Variants in SDF2L1 observed in about 807,000 individuals in gnomAD.
SDF2L1 encodes the protein stromal cell-derived factor 2-like protein 1.
A neutral mutation model predicts 19.4 loss-of-function variants in SDF2L1; 18 were observed. The ratio of observed to expected loss-of-function variants is 0.93; its 90% confidence interval spans 0.64 to 1.38. The LOEUF (loss-of-function observed/expected upper bound fraction) is 1.38. Among genes scored for constraint, SDF2L1 ranks in the 40% most tolerant of loss-of-function variants. The pLI is 0.00. For missense variants in SDF2L1, 263 were observed against 319.4 expected (o/e 0.82, Z 1.35); for synonymous variants, 161 against 148.9 (o/e 1.08, Z -0.59).
In SDF2L1 at chr22:21,642,999, G is replaced by C; in HGVS notation, c.325G>C (p.Val109Leu). Residue 109 changes from valine to leucine, a missense_variant, in exon 2 of 3, where the codon GTG becomes CTG. By Grantham distance (32) the Val-to-Leu change is conservative. This residue lies in a region of SDF2L1 where 203 missense variants were observed against 256.9 expected (regional missense o/e 0.79). Coordinates refer to ENST00000248958, the MANE Select transcript of SDF2L1 (RefSeq NM_022044.3). ...CGGGCAGGCGGTGAGGCTCACGCAT[G>C]TGCTTACGGGCAAGAACCTGCACAC... ...RCGQAVRLTHVLTGKNLHTHH... is the reference protein window; with the variant it reads ...RCGQAVRLTHLLTGKNLHTHH... The C allele has an allele frequency of 2.6e-6, 4 of 1,565,208 alleles. No homozygotes were observed. The highest frequency in any genetic ancestry group is 3.5e-6 in the Non-Finnish European group (4 of 1,156,020).
chr22:21,642,553 G>A (rs1601469580), intron 1 of SDF2L1, 30 bp downstream of exon 1: 3 of 1,506,370 alleles, frequency 2.0e-6, no homozygotes, highest in East Asian at 5.1e-5. Flanking sequence ...GGGAGAGCGC[G>A]GGGAACCGGG....
At chr22:21,643,343 G>T (rs958657473) in intron 2 of SDF2L1, 2 of 543,250 alleles carry the variant, frequency 3.7e-6, no homozygotes, top group Non-Finnish European at 6.5e-6. Flanking sequence ...AATCCACACA[G>T]CCTTGAGGGT....
chr22:21,643,913 A>G lies in SDF2L1; in HGVS notation c.404A>G (p.Glu135Gly), dbSNP rs370702646. 65 of 1,612,772 alleles carry G rather than the reference A, an allele frequency of 4.0e-5. No individual in the cohort carries two copies. The highest frequency in any genetic ancestry group is 5.3e-5 in the Non-Finnish European group (62 of 1,179,396). ...CTATAGGAGGTGAGTGCCTTTGGGGAAGACGGCGAGGGCGACGACCTGGAC... is the reference window on the plus strand; with the variant it reads ...CTATAGGAGGTGAGTGCCTTTGGGGGAGACGGCGAGGGCGACGACCTGGAC... Reference protein sequence around the residue: ...SNNQEVSAFGEDGEGDDLDLW... With the variant: ...SNNQEVSAFGGDGEGDDLDLW... The change falls in exon 3 of 3, where the codon GAA becomes GGA. Residue 135 changes from glutamate to glycine, a missense_variant. Around this residue, in one of 3 missense-constraint regions of SDF2L1, gnomAD observed 203 missense variants for 256.9 expected, o/e 0.79. Coordinates refer to ENST00000248958, the MANE Select transcript of SDF2L1 (RefSeq NM_022044.3).
chr22:21,642,567 CG>C, intron 1 of SDF2L1, 44 bp downstream of exon 1: 2 of 1,500,364 alleles, frequency 1.3e-6, no homozygotes. Context: ...AACCGGGGCT[CG>C]GGGTTGGGAG....
At position 21,642,329 on chromosome 22, in the gene SDF2L1, C is replaced by CCGGGGCGATGTGGAGCG; in HGVS notation, c.-3_14dup. 1 of 1,356,604 alleles carries CCGGGGCGATGTGGAGCG rather than the reference C, an allele frequency of 7.4e-7. No individual in the cohort carries two copies. The highest frequency in any genetic ancestry group is 9.4e-7 in the Non-Finnish European group (1 of 1,062,958). The allele number at this position is 1,356,604 out of a possible 1,614,324, so 84.0% of individuals were successfully genotyped here. On this transcript the variant is annotated 5_prime_UTR_variant, in exon 1 of 3. It adds an upstream start codon to the 5' untranslated region. Coordinates refer to ENST00000248958, the MANE Select transcript of SDF2L1 (RefSeq NM_022044.3). ...CTGGGCCCGAGGGGCTGGAGCCGGGCCGGGGCGATGTGGAGCGCGGGCCGC... is the reference window on the plus strand; with the variant it reads ...CTGGGCCCGAGGGGCTGGAGCCGGGCCGGGGCGATGTGGAGCGCGGGGCGATGTGGAGCGCGGGCCGC...
chr22:21,642,373 G>C lies in SDF2L1; in HGVS notation c.37G>C (p.Val13Leu). ...GGGCCGCGGCGGGGCTGCCTGGCCG[G>C]TGCTGTTGGGGCTGCTGCTGGCGCT... is the stretch of plus-strand genomic sequence containing the variant. Reference protein sequence around the residue: ...SAGRGGAAWPVLLGLLLALLV... With the variant: ...SAGRGGAAWPLLLGLLLALLV... Residue 13 changes from valine (V) to leucine (L), a missense_variant, in exon 1 of 3, where the codon GTG (valine) becomes CTG (leucine). Transcript: ENST00000248958. 7.0e-7 allele frequency: 1 copy of C among 1,431,274 alleles called. No homozygotes were observed. The highest frequency in any genetic ancestry group is 1.5e-5 in the African/African-American group (1 of 65,736). The allele number at this position is 1,431,274 out of a possible 1,614,324, so 88.7% of individuals were successfully genotyped here.
chr22:21,644,047 AG>A lies in SDF2L1; in HGVS notation c.539del (p.Ser180ThrfsTer77). ...GTCAGTCACGGGTGAGCAGTATGGA[AG>A]CCCCATCCGTGGGCAGCATGAGGTC... ...FLSVTGEQYG[S>X]PIRGQHEVHG... On this transcript the variant is annotated frameshift_variant, in exon 3 of 3. Transcript: ENST00000248958. LOFTEE classifies it high-confidence loss of function. 6.2e-7 allele frequency: 1 copy of A among 1,614,134 alleles called. No homozygotes were observed. Among genetic ancestry groups the A allele is most frequent in the Non-Finnish European group, 8.5e-7 (1 of 1,180,012 alleles).
Position 21,643,024 on chromosome 22 carries a change from C to A in SDF2L1, c.350C>A (p.Thr117Lys). 6.4e-7 allele frequency: 1 copy of A among 1,559,802 alleles called. No individual in the cohort carries two copies. Among genetic ancestry groups the A allele is most frequent in the Non-Finnish European group, 8.7e-7 (1 of 1,152,726 alleles). Residue 117 changes from threonine (T) to lysine (K), a missense_variant, in exon 2 of 3, where the codon ACG (threonine) becomes AAG (lysine). By Grantham distance (78) the Thr-to-Lys change is moderately conservative. Coordinates refer to ENST00000248958, the MANE Select transcript of SDF2L1 (RefSeq NM_022044.3). ...GTGCTTACGGGCAAGAACCTGCACA[C>A]GCACCACTTCCCGTCGCCGCTGTCC... ...THVLTGKNLH[T>K]HHFPSPLSNN...
In SDF2L1 at chr22:21,643,036, C is replaced by T; in HGVS notation, c.362C>T (p.Pro121Leu). ...TGKNLHTHHF[P>L]SPLSNNQEVS... is the part of the protein sequence containing the mutation. The stretch of plus-strand genomic sequence containing the variant: ...AAGAACCTGCACACGCACCACTTCC[C>T]GTCGCCGCTGTCCAACAACCAGGTG... Residue 121 changes from proline to leucine, a missense_variant, in exon 2 of 3, where the codon CCG (proline) becomes CTG (leucine). Pro to Leu is a moderately conservative substitution (Grantham distance 98). Coordinates refer to ENST00000248958, the MANE Select transcript of SDF2L1 (RefSeq NM_022044.3). 6.4e-7 allele frequency: 1 copy of T among 1,556,754 alleles called. No homozygotes were observed. The highest frequency in any genetic ancestry group is 8.7e-7 in the Non-Finnish European group (1 of 1,150,940).
intron 2 of SDF2L1, 73 bp from the exon 3 acceptor site, chr22:21,643,821 C>T (rs1205161746): frequency 3.4e-6 from 5 of 1,463,440 alleles, no homozygotes; most frequent in East Asian, 4.9e-5. Context: ...GGGAAGAACC[C>T]GAGGCTCGGT....
chr22:21,643,748 T>C, intron 2 of SDF2L1, 146 bp from the exon 3 acceptor site: 1 of 717,386 alleles, frequency 1.4e-6, no homozygotes, highest in Non-Finnish European at 2.3e-6. Context: ...GTGCTAGAGG[T>C]TGCGGGGGCG....
intron 1 of SDF2L1, 72 bp from the exon 2 acceptor site, chr22:21,642,790 C>G: frequency 6.6e-7 from 1 of 1,516,160 alleles, no homozygotes; most frequent in Non-Finnish European, 8.9e-7. Flanking sequence ...GGGACATGTT[C>G]TGGTCCCAGG....
Position 21,644,240 on chromosome 22 carries a change from A to G in SDF2L1, c.*65A>G. On this transcript the variant is annotated 3_prime_UTR_variant, in exon 3 of 3. Coordinates refer to ENST00000248958, the MANE Select transcript of SDF2L1 (RefSeq NM_022044.3). ...GCGTCTGCAGGGCCACTCTTGGCAG[A>G]GACTTTGGGTTTGTAGGGGTCCTCA... The G allele has an allele frequency of 6.3e-7, 1 of 1,577,026 alleles. No homozygotes were observed. Among genetic ancestry groups the G allele is most frequent in the South Asian group, 1.1e-5 (1 of 87,990 alleles).
intron 1 of SDF2L1, 114 bp from the exon 2 acceptor site, chr22:21,642,748 C>T: frequency 8.5e-7 from 1 of 1,180,076 alleles, no homozygotes; most frequent in South Asian, 1.6e-5. Context: ...GGGTGTCAGG[C>T]GGGGGCTGGG....
Position 21,644,033 on chromosome 22 carries a change from G to T in SDF2L1, c.524G>T (p.Gly175Val). ...VGTSVFLSVT[G>V]EQYGSPIRGQ... is the part of the protein sequence containing the mutation. ...ACCTCTGTGTTCCTGTCAGTCACGG[G>T]TGAGCAGTATGGAAGCCCCATCCGT... Residue 175 changes from glycine (G) to valine (V), a missense_variant, in exon 3 of 3, where the codon GGT becomes GTT. Gly to Val is a moderately radical substitution (Grantham distance 109). Transcript: ENST00000248958. 1 of 1,614,214 alleles carries T rather than the reference G, an allele frequency of 6.2e-7. No individual in the cohort carries two copies. The highest frequency in any genetic ancestry group is 8.5e-7 in the Non-Finnish European group (1 of 1,180,038).
In SDF2L1 at chr22:21,642,977, G is replaced by A; in HGVS notation, c.303G>A (p.Gly101=). Residue 101 remains glycine, a synonymous_variant, in exon 2 of 3, where the codon GGG becomes GGA. Coordinates refer to ENST00000248958, the MANE Select transcript of SDF2L1 (RefSeq NM_022044.3). The stretch of plus-strand genomic sequence containing the variant: ...CGCGCGGGTCCCCGGTGCGCTGCGG[G>A]CAGGCGGTGAGGCTCACGCATGTGC... The part of the protein sequence containing the change: ...GCPRGSPVRC[G]QAVRLTHVLT... 6.4e-7 allele frequency: 1 copy of A among 1,568,498 alleles called. No individual in the cohort carries two copies. Among genetic ancestry groups the A allele is most frequent in the South Asian group, 1.2e-5 (1 of 86,032 alleles).
intron 2 of SDF2L1, 35 bp downstream of exon 2, chr22:21,643,093 G>C (rs754547398): frequency 1.3e-6 from 2 of 1,547,812 alleles, no homozygotes; most frequent in South Asian, 1.2e-5. Context: ...AGAGACTCCT[G>C]GCCTGTGTGA....
chr22:21,643,563 TAGAC>T (rs2066097773), intron 2 of SDF2L1, among the ~76,000 whole-genome samples: 1 of 152,128 alleles, frequency 6.6e-6, no homozygotes, highest in Admixed American at 6.6e-5. Flanking sequence ...TTGAGATAGA[TAGAC>T]AGCTTGACTG....
At chr22:21,643,865 C>A in intron 2 of SDF2L1, 29 bp from the exon 3 acceptor site, 1 of 1,595,356 alleles carries the variant, frequency 6.3e-7, no homozygotes, top group Non-Finnish European at 8.6e-7. Flanking sequence ...CTGTGGTGAC[C>A]ACTGTCTTCT....
Sources: gnomAD v4.1 joint callset for allele counts (sites outside exome capture counted in the v4.1 genomes callset) on GRCh38, gnomAD v4.1.1 for gene constraint, gnomAD v4.1.1 regional missense constraint, MANE v1.5 for transcripts, NCBI Gene and HGNC (gene_info 2026-07-23, HGNC 2026-07-21) for gene names.